The following ZNF337 variants were observed in gnomAD, a reference collection of about 807,000 sequenced individuals.
ZNF337 encodes zinc finger protein 337.
In ZNF337, 8 loss-of-function variants were observed where a neutral mutation model predicts 12.1. The ratio of observed to expected loss-of-function variants is 0.66; its 90% confidence interval spans 0.39 to 1.19. ZNF337 has a LOEUF of 1.19. Ranked by LOEUF, ZNF337 falls within the 50% of genes most tolerant of loss-of-function variation. The probability of loss-of-function intolerance (pLI) is 0.01; values close to 1 mark genes in which losing one functional copy is unlikely to be tolerated. For missense variants in ZNF337, 882 were observed against 896.6 expected, an observed-to-expected ratio of 0.98 and a Z score of 0.21; for synonymous variants, 336 against 320.0, an observed-to-expected ratio of 1.05 and a Z score of -0.53.
Position 25,674,987 on chromosome 20 carries a change from G to C in ZNF337, c.*45C>G, listed in dbSNP as rs1467529666. On this transcript the variant is annotated 3_prime_UTR_variant, in exon 5 of 5. Coordinates refer to ENST00000252979, the MANE Select transcript of ZNF337 (RefSeq NM_015655.4). Reference sequence around the variant, plus strand: ...CAACTAAAGCTTGTAACAAAGCAAAGTTACTCTCCTGAGTGTGTCCTCTGA... The same window carrying C: ...CAACTAAAGCTTGTAACAAAGCAAACTTACTCTCCTGAGTGTGTCCTCTGA... 2.2e-5 allele frequency: 34 copies of C among 1,553,968 alleles called. No homozygotes were observed. Among genetic ancestry groups the C allele is most frequent in the Non-Finnish European group, 2.9e-5 (33 of 1,142,358 alleles).
At position 25,675,871 on chromosome 20, in the gene ZNF337, A is replaced by G. The variant is rs768910647; in HGVS notation, c.1417T>C (p.Ser473Pro). ...KDCGRGFIQK[S>P]TFTLHQRTHS... ...GTCCTCTGGTGTAAAGTGAAGGTTG[A>G]CTTTTGGATAAAGCCTCGTCCACAG... The change falls in exon 5 of 5, where the codon TCA becomes CCA. Residue 473 changes from serine to proline, a missense_variant. Transcript: ENST00000252979. 2.5e-6 allele frequency: 4 copies of G among 1,614,076 alleles called. No homozygotes were observed. The Admixed American group carries it at 6.7e-5, about 27-fold the overall frequency.
At chr20:25,677,657 C>A (rs541848240) in intron 4 of ZNF337, 2 of 152,178 alleles carry the variant, frequency 1.3e-5, no homozygotes, top group African/African-American at 4.8e-5. Context: ...CCTCAACTTT[C>A]CAAATAGCTA....
chr20:25,678,816 G>A (rs1353961787), intron 4 of ZNF337, among the ~76,000 whole-genome samples: 1 of 152,052 alleles, frequency 6.6e-6, no homozygotes, highest in Non-Finnish European at 1.5e-5. Flanking sequence ...TGGGCATGGT[G>A]GCACATGCCT....
chr20:25,674,947 C>T lies in ZNF337; in HGVS notation c.*85G>A. The T allele has an allele frequency of 7.8e-7, 1 of 1,288,246 alleles. No homozygotes were observed. Among genetic ancestry groups the T allele is most frequent in the South Asian group, 1.4e-5 (1 of 71,246 alleles). The allele number at this position is 1,288,246 out of a possible 1,614,324, so 79.8% of individuals were successfully genotyped here. On this transcript the variant is annotated 3_prime_UTR_variant, in exon 5 of 5. Transcript: ENST00000252979. ...TCTGCCTCTGTTATATCTTCACGAA[C>T]AAGTTATGCAGCCTCAACTAAAGCT...
chr20:25,685,663 C>T lies in ZNF337; in HGVS notation c.155-1G>A, dbSNP rs1295542793. On this transcript the variant is annotated splice_acceptor_variant, in intron 3 of 4. Coordinates refer to ENST00000252979, the MANE Select transcript of ZNF337 (RefSeq NM_015655.4). LOFTEE classifies it high-confidence loss of function. ...AGTTCTGGTTTAGAATGGAGAATTCCTGCTCACAGGGAAAAAAACCATGAG... is the reference window on the plus strand; with the variant it reads ...AGTTCTGGTTTAGAATGGAGAATTCTTGCTCACAGGGAAAAAAACCATGAG... The T allele has an allele frequency of 6.2e-7, 1 of 1,613,558 alleles. No individual in the cohort carries two copies. The highest frequency in any genetic ancestry group is 1.7e-5 in the Admixed American group (1 of 60,014).
At chr20:25,695,602 G>C (rs1456802812) in intron 1 of ZNF337, among the ~76,000 whole-genome samples, 2 of 152,150 alleles carry the variant, frequency 1.3e-5, no homozygotes. Flanking sequence ...CCAGGCTAGC[G>C]TGCAGTGCAG....
rs1297127213 is a variant in ZNF337 at position 25,675,709 on chromosome 20, A to G, written c.1579T>C (p.Leu527=). ...FCRDCGRGFT[L]KPNLTIHQRT... ...TGATGTATGGTGAGATTTGGCTTCA[A>G]GGTAAAGCCTCGCCCACAATCCCTG... is the stretch of plus-strand genomic sequence containing the variant. Residue 527 remains leucine (L), a synonymous_variant, in exon 5 of 5, where the codon TTG becomes CTG. Coordinates refer to ENST00000252979, the MANE Select transcript of ZNF337 (RefSeq NM_015655.4). 3 of 1,611,114 alleles carry G rather than the reference A, an allele frequency of 1.9e-6. No homozygotes were observed. The highest frequency in any genetic ancestry group is 2.2e-5 in the South Asian group (2 of 90,918).
chr20:25,694,682 G>A (rs74853405), intron 1 of ZNF337, among the ~76,000 whole-genome samples: 1,859 of 152,076 alleles, frequency 0.012, 17 homozygotes, highest in Middle Eastern at 0.021. Flanking sequence ...TGAGGCTTGG[G>A]GAATCCTGCC....
intron 4 of ZNF337, among the ~76,000 whole-genome samples, chr20:25,682,835 C>CA (rs59331202): frequency 0.17 from 21,955 of 131,490 alleles, 3,211 homozygotes; most frequent in African/African-American, 0.41. Flanking sequence ...AACTCCGACT[C>CA]AAAAAAAAAA....
chr20:25,673,729 G>C lies in ZNF337; in HGVS notation c.*1303C>G, dbSNP rs1349125260. 6.6e-6 allele frequency: 1 copy of C among 152,196 alleles called. No homozygotes were observed. The highest frequency in any genetic ancestry group is 1.9e-4 in the East Asian group (1 of 5,194). The allele number at this position is 152,196 out of a possible 1,614,324, so 9.4% of individuals were successfully genotyped here. A position where few individuals can be genotyped will look rare whatever the true frequency, so the allele number is the denominator to read the frequency against. On this transcript the variant is annotated 3_prime_UTR_variant, in exon 5 of 5. Transcript: ENST00000252979. ...AAAGGCCTTGTAAGCACTCACCAGG[G>C]AGTCCTGGTTTACTTAACCATTAAC...
At chr20:25,683,730 T>C (rs1384719888) in intron 4 of ZNF337, among the ~76,000 whole-genome samples, 3 of 152,094 alleles carry the variant, frequency 2.0e-5, no homozygotes, top group Admixed American at 1.3e-4. Context: ...TGTGGAGAAA[T>C]AGGAACACTT....
At chr20:25,686,681 G>A (rs771997342) in intron 1 of ZNF337, 18 of 548,850 alleles carry the variant, frequency 3.3e-5, no homozygotes, top group Middle Eastern at 9.8e-4. Flanking sequence ...GCTGGGTGAC[G>A]TTTGTTGCTT....
At chr20:25,693,311 A>C (rs959770151) in intron 1 of ZNF337, among the ~76,000 whole-genome samples, 1 of 150,334 alleles carries the variant, frequency 6.7e-6, no homozygotes, top group African/African-American at 2.4e-5. Flanking sequence ...TCCTGGCCTC[A>C]GGTAATCTGC....
intron 2 of ZNF337, 26 bp downstream of exon 2, chr20:25,686,365 A>G (rs766306409): frequency 1.2e-6 from 2 of 1,606,316 alleles, no homozygotes; most frequent in East Asian, 4.5e-5. Context: ...TGTGACAGCA[A>G]GAACGACAGT....
intron 1 of ZNF337, among the ~76,000 whole-genome samples, chr20:25,693,602 T>G (rs1171449852): frequency 3.3e-5 from 5 of 152,166 alleles, no homozygotes; most frequent in African/African-American, 1.2e-4. Flanking sequence ...AGAAGAAATG[T>G]AGGGACAATG....
At chr20:25,677,994 T>C (rs761680971) in intron 4 of ZNF337, 2 of 151,682 alleles carry the variant, frequency 1.3e-5, no homozygotes, top group Non-Finnish European at 2.9e-5. Flanking sequence ...GATTCGAATG[T>C]CTACTTTCAC....
intron 4 of ZNF337, among the ~76,000 whole-genome samples, chr20:25,683,747 T>C (rs537658311): frequency 6.6e-6 from 1 of 152,280 alleles, no homozygotes; most frequent in Non-Finnish European, 1.5e-5. Flanking sequence ...ACTTTTACAC[T>C]GTTGGTGGGA....
chr20:25,685,716 C>T lies in ZNF337; in HGVS notation c.155-54G>A, dbSNP rs1465937589. The stretch of plus-strand genomic sequence containing the variant: ...GACTCCTGGTTGTAGGCTCCACGGG[C>T]CATTTGCTGGAGCCACCCAGGGCAG... On this transcript the variant is annotated intron_variant, in intron 3 of 4. Transcript: ENST00000252979. 7.9e-6 allele frequency: 12 copies of T among 1,514,138 alleles called. No homozygotes were observed. The Admixed American group carries it at 2.0e-4, about 25-fold the overall frequency. The allele number at this position is 1,514,138 out of a possible 1,614,324, so 93.8% of individuals were successfully genotyped here.
At chr20:25,685,530 G>T in intron 4 of ZNF337, 37 bp downstream of exon 4, 1 of 1,558,466 alleles carries the variant, frequency 6.4e-7, no homozygotes, top group Non-Finnish European at 8.8e-7. Flanking sequence ...GAAAGGCGGA[G>T]TGCCTTGTGC....
Sources: allele counts gnomAD v4.1 joint callset (sites outside exome capture counted in the v4.1 genomes callset), GRCh38; gene constraint gnomAD v4.1.1; transcripts MANE v1.5; gene names NCBI Gene and HGNC (gene_info 2026-07-23, HGNC 2026-07-21).